MYCBP2: variants seen among roughly 807,000 people sequenced by gnomAD.
MYCBP2 encodes the protein E3 ubiquitin-protein ligase MYCBP2.
Under a neutral mutation model 525.3 loss-of-function variants are expected in MYCBP2, and 120 were observed. The ratio of observed to expected loss-of-function variants is 0.23; its 90% CI spans 0.20 to 0.27. MYCBP2 has a LOEUF of 0.27. Among genes scored for constraint, MYCBP2 ranks in the 10% least tolerant of loss-of-function variants. MYCBP2 has a pLI of 1.00. For synonymous variants in MYCBP2, 1,894 were observed against 1,955.8 expected (o/e 0.97, Z 0.83); for missense variants, 4,149 against 5,657.1 (o/e 0.73, Z 8.55).
intron 30 of MYCBP2, 42 bp from the exon 31 acceptor site, chr13:77,186,105 T>A: frequency 7.1e-7 from 1 of 1,403,520 alleles, no homozygotes; most frequent in Non-Finnish European, 9.6e-7. Context: ...TTAATTCAAA[T>A]GATACCATAA....
At chr13:77,096,267 T>G (rs1555329021) in intron 57 of MYCBP2, 45 bp downstream of exon 57, 4 of 1,575,326 alleles carry the variant, frequency 2.5e-6, no homozygotes, top group Non-Finnish European at 3.5e-6. Context: ...TTTTATACAG[T>G]GTATCCATAT....
At position 77,233,258 on chromosome 13, in the gene MYCBP2, G is replaced by A. The variant is rs528849259; in HGVS notation, c.2635C>T (p.Leu879Phe). 8 of 1,612,536 alleles carry A rather than the reference G, an allele frequency of 5.0e-6. No homozygotes were observed. The highest frequency in any genetic ancestry group is 1.3e-5 in the African/African-American group (1 of 74,962). ...ATAAAAATAGGACCAGCAAATACAA[G>A]GGGGCCTGAGGAGAAACATTTTGTA... ...RHRLEEGRGP[L>F]VFAGPIFMNH... Residue 879 changes from leucine (L) to phenylalanine (F), a missense_variant, in exon 18 of 83, where the codon CTT becomes TTT. By Grantham distance (22) the Leu-to-Phe change is conservative. Around this residue, in one of 21 missense-constraint regions of MYCBP2, gnomAD observed 620 missense variants for 795.5 expected, o/e 0.78. Transcript: ENST00000544440.
At chr13:77,288,042 G>A (rs1019327637) in intron 3 of MYCBP2, 119 bp downstream of exon 3, 6 of 1,009,928 alleles carry the variant, frequency 5.9e-6, no homozygotes, top group Non-Finnish European at 8.7e-6. Flanking sequence ...CATAAGCCGT[G>A]TTATTTTTAG....
chr13:77,102,956 G>A (rs7999576), intron 55 of MYCBP2, among the ~76,000 whole-genome samples: 11 of 151,818 alleles, frequency 7.2e-5, no homozygotes, highest in African/African-American at 2.7e-4. Context: ...ATCTCATAAA[G>A]TTTTAAAATT....
At chr13:77,220,605 G>A (rs2065409178) in intron 20 of MYCBP2, among the ~76,000 whole-genome samples, 1 of 152,096 alleles carries the variant, frequency 6.6e-6, no homozygotes, top group Non-Finnish European at 1.5e-5. Context: ...TTGATTACTA[G>A]AGACTTTTCA....
chr13:77,178,000 A>G, intron 34 of MYCBP2, 46 bp from the exon 35 acceptor site: 1 of 1,153,502 alleles, frequency 8.7e-7, no homozygotes. Context: ...TATACCTTTA[A>G]CAAAACCATC....
chr13:77,298,808 A>G (rs574947613), intron 1 of MYCBP2, among the ~76,000 whole-genome samples: 18 of 152,182 alleles, frequency 1.2e-4, no homozygotes, highest in Non-Finnish European at 2.4e-4. Context: ...AGAAAGAGAA[A>G]GATTAACAGT....
chr13:77,221,420 A>G (rs1196430794), intron 20 of MYCBP2, among the ~76,000 whole-genome samples: 1 of 152,100 alleles, frequency 6.6e-6, no homozygotes, highest in African/African-American at 2.4e-5. Context: ...AGCGGCCAAC[A>G]CACCTCAGTG....
At chr13:77,209,605 T>C (rs1450461227) in intron 23 of MYCBP2, among the ~76,000 whole-genome samples, 1 of 152,222 alleles carries the variant, frequency 6.6e-6, no homozygotes, top group Non-Finnish European at 1.5e-5. Context: ...ATTCTAACTT[T>C]GGTTCTTAAT....
intron 80 of MYCBP2, among the ~76,000 whole-genome samples, chr13:77,052,568 A>G (rs957783194): frequency 2.0e-5 from 3 of 152,254 alleles, no homozygotes; most frequent in Non-Finnish European, 2.9e-5. Flanking sequence ...CAAAACAAAA[A>G]AGTATAATAT....
chr13:77,090,062 T>A, intron 60 of MYCBP2, 44 bp downstream of exon 60: 1 of 1,498,532 alleles, frequency 6.7e-7, no homozygotes, highest in Non-Finnish European at 8.9e-7. Flanking sequence ...TTTTTATTTG[T>A]AGTAGTCAGA....
At chr13:77,325,786 A>G (rs752739425) in intron 1 of MYCBP2, among the ~76,000 whole-genome samples, 2 of 152,242 alleles carry the variant, frequency 1.3e-5, no homozygotes, top group Non-Finnish European at 2.9e-5. Context: ...CCTCATTTCT[A>G]GAAGACCAAA....
chr13:77,130,747 T>G (rs555287317), intron 52 of MYCBP2, among the ~76,000 whole-genome samples: 1 of 152,304 alleles, frequency 6.6e-6, no homozygotes, highest in African/African-American at 2.4e-5. Flanking sequence ...TTACAAAGCA[T>G]AGTGGGACAG....
chr13:77,249,649 C>G (rs575516337), intron 15 of MYCBP2, among the ~76,000 whole-genome samples: 1 of 152,068 alleles, frequency 6.6e-6, no homozygotes, highest in South Asian at 2.1e-4. Flanking sequence ...CTGGCCTCAG[C>G]CTCCCAAAGT....
intron 1 of MYCBP2, among the ~76,000 whole-genome samples, chr13:77,321,044 C>A (rs2081548065): frequency 1.3e-5 from 2 of 152,132 alleles, no homozygotes; most frequent in African/African-American, 4.8e-5. Context: ...AGTTTCAGGA[C>A]TCTTCAAATG....
chr13:77,144,285 T>C, intron 49 of MYCBP2, 160 bp downstream of exon 49: 1 of 605,758 alleles, frequency 1.7e-6, no homozygotes, highest in Non-Finnish European at 2.9e-6. Context: ...GTTAATGCAC[T>C]AATTAAATAC....
intron 1 of MYCBP2, among the ~76,000 whole-genome samples, chr13:77,320,689 G>T (rs2081486219): frequency 6.6e-6 from 1 of 152,058 alleles, no homozygotes; most frequent in Admixed American, 6.5e-5. Context: ...CAAGTAATCA[G>T]ATTTAACATA....
At chr13:77,216,685 A>G (rs2064865909) in intron 21 of MYCBP2, among the ~76,000 whole-genome samples, 1 of 152,178 alleles carries the variant, frequency 6.6e-6, no homozygotes, top group African/African-American at 2.4e-5. Flanking sequence ...TCAAAACAGT[A>G]CTATATACTC....
intron 13 of MYCBP2, among the ~76,000 whole-genome samples, chr13:77,258,992 C>T (rs1444251539): frequency 1.3e-5 from 2 of 152,150 alleles, no homozygotes; most frequent in East Asian, 1.9e-4. Context: ...CGGTGGCTCA[C>T]GCCTGTATTC....
Sources: allele counts gnomAD v4.1 joint callset (sites outside exome capture counted in the v4.1 genomes callset), GRCh38; gene constraint gnomAD v4.1.1; regional missense constraint gnomAD v4.1.1; transcripts MANE v1.5; gene names NCBI Gene and HGNC (gene_info 2026-07-23, HGNC 2026-07-21).